The following JAZF1 variants were observed in gnomAD, a reference collection of about 807,000 sequenced individuals.
The protein encoded by JAZF1 is juxtaposed with another zinc finger protein 1.
In JAZF1, 8 loss-of-function variants were observed where a neutral mutation model predicts 26.4. The observed-to-expected ratio is 0.30, with a 90% confidence interval of 0.18 to 0.55. The LOEUF (loss-of-function observed/expected upper bound fraction) is 0.55. JAZF1 is among the 20% of genes least tolerant of loss of function. The probability of loss-of-function intolerance (pLI) is 0.94; values close to 1 mark genes in which losing one functional copy is unlikely to be tolerated. For synonymous variants in JAZF1, 126 were observed against 122.3 expected, an observed-to-expected ratio of 1.03 and a Z score of -0.20; for missense variants, 199 against 322.0, an observed-to-expected ratio of 0.62 and a Z score of 2.92.
chr7:27,879,339 C>T (rs765258788), intron 3 of JAZF1, among the ~76,000 whole-genome samples: 4 of 152,152 alleles, frequency 2.6e-5, no homozygotes, highest in Admixed American at 1.3e-4. Context: ...CAGGATGAAG[C>T]TAAGTCAACT....
In JAZF1 at chr7:27,985,191, T is replaced by C. The variant is rs148080433; in HGVS notation, c.188+6718A>G. Among the ~76,000 whole-genome samples the C allele has an allele frequency of 6.0e-3, 913 of 152,114 alleles. 8 individuals are homozygous for C. The highest frequency in any genetic ancestry group is 0.021 in the African/African-American group (882 of 41,488). On this transcript the variant is annotated intron_variant, in intron 2 of 4. Transcript: ENST00000283928. ...TGGTTTTTTGAAAAGATCAACAAAA[T>C]TGATAGACTGCTAGCAAGACTAATA...
chr7:27,935,161 C>T lies in JAZF1; in HGVS notation c.189-39745G>A, dbSNP rs544684190. Among the ~76,000 whole-genome samples the T allele has an allele frequency of 1.3e-3, 203 of 152,272 alleles. 6 individuals are homozygous for T. In the South Asian group the frequency reaches 0.042, roughly 31 times the overall value. On this transcript the variant is annotated intron_variant, in intron 2 of 4. Transcript: ENST00000283928. ...AAAATCGCAACGAGATTCCACTTCA[C>T]ACCTGCTGGAATGGTTATAATCAAA...
chr7:28,150,155 G>C (rs1182138608), intron 1 of JAZF1, among the ~76,000 whole-genome samples: 1 of 152,188 alleles, frequency 6.6e-6, no homozygotes, highest in Non-Finnish European at 1.5e-5. Context: ...TGCCCGGTGG[G>C]GAGGCAGGTC....
At chr7:28,139,198 T>A (rs994231356) in intron 1 of JAZF1, among the ~76,000 whole-genome samples, 1 of 152,180 alleles carries the variant, frequency 6.6e-6, no homozygotes, top group East Asian at 1.9e-4. Flanking sequence ...ACCCACTCCA[T>A]CTATGAAGCT....
At chr7:28,172,785 G>A (rs908735900) in intron 1 of JAZF1, among the ~76,000 whole-genome samples, 1 of 152,058 alleles carries the variant, frequency 6.6e-6, no homozygotes, top group Admixed American at 6.5e-5. Context: ...GGTGGGTGGC[G>A]ATCCTATGAA....
intron 2 of JAZF1, among the ~76,000 whole-genome samples, chr7:27,900,996 G>A (rs1447471273): frequency 6.8e-6 from 1 of 147,442 alleles, no homozygotes; most frequent in Non-Finnish European, 1.5e-5. Context: ...TTTTCTAAGA[G>A]ACGTATTACC....
chr7:27,927,883 T>C (rs1375564381), intron 2 of JAZF1, among the ~76,000 whole-genome samples: 1 of 152,154 alleles, frequency 6.6e-6, no homozygotes, highest in Non-Finnish European at 1.5e-5. Context: ...CTTCCCCAAA[T>C]CAATTTTCAG....
chr7:27,847,304 A>G (rs991732930), intron 3 of JAZF1, among the ~76,000 whole-genome samples: 1 of 151,440 alleles, frequency 6.6e-6, no homozygotes, highest in Non-Finnish European at 1.5e-5. Context: ...AGTCTCGTTT[A>G]TTTATTTTTG....
chr7:28,023,177 C>T (rs1783035121), intron 1 of JAZF1, among the ~76,000 whole-genome samples: 1 of 152,088 alleles, frequency 6.6e-6, no homozygotes, highest in Admixed American at 6.5e-5. Flanking sequence ...GCAAGGACTC[C>T]ATGAAGGAAG....
chr7:28,069,022 A>G (rs1331891390), intron 1 of JAZF1, among the ~76,000 whole-genome samples: 1 of 152,202 alleles, frequency 6.6e-6, no homozygotes, highest in Non-Finnish European at 1.5e-5. Context: ...CTCCATTTCT[A>G]AGATGTTCCC....
chr7:28,167,387 T>C (rs190318431), intron 1 of JAZF1, among the ~76,000 whole-genome samples: 1 of 152,304 alleles, frequency 6.6e-6, no homozygotes, highest in Admixed American at 6.5e-5. Flanking sequence ...CACCCCATCT[T>C]AGAGAGGAAG....
intron 1 of JAZF1, among the ~76,000 whole-genome samples, chr7:28,132,544 G>A (rs1402879774): frequency 3.3e-5 from 5 of 152,102 alleles, no homozygotes; most frequent in African/African-American, 4.8e-5. Flanking sequence ...AAATTATTGC[G>A]ACGGCAATTG....
At chr7:28,165,195 AAAC>A (rs1044851192) in intron 1 of JAZF1, among the ~76,000 whole-genome samples, 4 of 152,116 alleles carry the variant, frequency 2.6e-5, no homozygotes, top group South Asian at 2.1e-4. Context: ...AACAAAACAA[AAAC>A]AACAACCTTA....
chr7:27,856,250 G>A (rs182631749), intron 3 of JAZF1, among the ~76,000 whole-genome samples: 26 of 152,274 alleles, frequency 1.7e-4, no homozygotes, highest in Middle Eastern at 3.4e-3. Context: ...CGCGGTGAGC[G>A]TTACAGCTCT....
chr7:28,110,783 C>T (rs1354702518), intron 1 of JAZF1, among the ~76,000 whole-genome samples: 1 of 152,080 alleles, frequency 6.6e-6, no homozygotes, highest in African/African-American at 2.4e-5. Flanking sequence ...AAGACTAAGA[C>T]GTGGTGATGT....
intron 2 of JAZF1, among the ~76,000 whole-genome samples, chr7:27,985,744 G>C (rs1158734225): frequency 6.6e-6 from 1 of 152,166 alleles, no homozygotes; most frequent in East Asian, 1.9e-4. Flanking sequence ...ACATCAAAAA[G>C]CTTATCCACC....
chr7:27,855,518 T>G (rs957900286), intron 3 of JAZF1, among the ~76,000 whole-genome samples: 15 of 151,998 alleles, frequency 9.9e-5, no homozygotes, highest in Admixed American at 2.0e-4. Context: ...CAATAAAAAA[T>G]GATAAAGAGG....
At chr7:27,952,642 ACT>A (rs1474048516) in intron 2 of JAZF1, among the ~76,000 whole-genome samples, 4 of 152,240 alleles carry the variant, frequency 2.6e-5, no homozygotes, top group Non-Finnish European at 5.9e-5. Flanking sequence ...GCTATGAATC[ACT>A]GAGGGAAAAG....
At chr7:27,955,573 G>T (rs536168990) in intron 2 of JAZF1, among the ~76,000 whole-genome samples, 2 of 152,306 alleles carry the variant, frequency 1.3e-5, no homozygotes, top group Admixed American at 1.3e-4. Flanking sequence ...ACAAATCGTT[G>T]TTTCGTGAAA....
Sources: gnomAD v4.1 joint callset for allele counts (sites outside exome capture counted in the v4.1 genomes callset) on GRCh38, gnomAD v4.1.1 for gene constraint, MANE v1.5 for transcripts, NCBI Gene and HGNC (gene_info 2026-07-23, HGNC 2026-07-21) for gene names.